Variants in PROX1 observed in about 807,000 individuals in gnomAD.
The protein encoded by PROX1 is prospero homeobox protein 1.
In PROX1, 7 loss-of-function variants were observed where a neutral mutation model predicts 58.8. That is an observed-to-expected ratio of 0.12 (90% confidence interval 0.07 to 0.22). The LOEUF (loss-of-function observed/expected upper bound fraction) is 0.22. Among genes scored for constraint, PROX1 ranks in the 10% least tolerant of loss-of-function variants. PROX1 has a pLI of 1.00. For missense variants in PROX1, 675 were observed against 927.8 expected (o/e 0.73, Z 3.54); for synonymous variants, 350 against 358.3 (o/e 0.98, Z 0.26).
At chr1:213,998,338 G>C in intron 2 of PROX1, 78 bp downstream of exon 2, 1 of 1,426,046 alleles carries the variant, frequency 7.0e-7, no homozygotes, top group Non-Finnish European at 9.4e-7. Flanking sequence ...ACAATATCTA[G>C]AGTAATGTAG....
At chr1:213,994,140 T>A (rs556950137) in intron 1 of PROX1, among the ~76,000 whole-genome samples, 1 of 150,328 alleles carries the variant, frequency 6.7e-6, no homozygotes, top group Non-Finnish European at 1.5e-5. Flanking sequence ...GATGACCTTG[T>A]GCTCATCAGC....
intron 2 of PROX1, among the ~76,000 whole-genome samples, chr1:214,001,005 A>AC (rs3835651): frequency 0.28 from 42,522 of 151,912 alleles, 6,156 homozygotes; most frequent in Admixed American, 0.39. Context: ...AAATGGTACA[A>AC]CTGTGATTGC....
chr1:214,031,167 A>G (rs1282773733), intron 4 of PROX1, among the ~76,000 whole-genome samples: 3 of 152,172 alleles, frequency 2.0e-5, no homozygotes, highest in Non-Finnish European at 2.9e-5. Context: ...ATGGAAGCCC[A>G]GAAGGCTCTT....
rs925893214 is a variant in PROX1 at position 213,997,197 on chromosome 1, T to C, written c.662T>C (p.Phe221Ser). 6.2e-7 allele frequency: 1 copy of C among 1,612,794 alleles called. No individual in the cohort carries two copies. Among genetic ancestry groups the C allele is most frequent in the Non-Finnish European group, 8.5e-7 (1 of 1,179,726 alleles). ...CTTCCCCAGCAGCAGCAACAGAGTT[T>C]CCAGCAGCTGGTTTCAGCCCGAAAA... ...QKLPQQQQQS[F>S]QQLVSARKEQ... Residue 221 changes from phenylalanine to serine, a missense_variant, in exon 2 of 5, where the codon TTC becomes TCC. By Grantham distance (155) the Phe-to-Ser change is radical (BLOSUM62 -2). Transcript: ENST00000366958. The surrounding 1 kb of genome is among the most constrained non-coding windows in gnomAD (Gnocchi z 7.1).
At chr1:214,033,012 C>A (rs73086475) in intron 4 of PROX1, among the ~76,000 whole-genome samples, 3,805 of 152,254 alleles carry the variant, frequency 0.025, 169 homozygotes, top group African/African-American at 0.088. Flanking sequence ...ACTTCCCTCC[C>A]TCCCCTGCTG....
chr1:213,985,262 GAA>G (rs1292901465), upstream of PROX1: 3 of 152,194 alleles, frequency 2.0e-5, no homozygotes, highest in African/African-American at 7.2e-5. Flanking sequence ...TCCCCTATCA[GAA>G]AACAAAGCGG....
rs1236007528 is a variant in PROX1, at chr1:214,038,477, A to G, written c.*2643A>G. 1 of 151,802 alleles carries G rather than the reference A, an allele frequency of 6.6e-6. No homozygotes were observed. Among genetic ancestry groups the G allele is most frequent in the Non-Finnish European group, 1.5e-5 (1 of 67,936 alleles). 9.4% of individuals were successfully genotyped at this position (151,802 alleles called of 1,614,324 possible). On this transcript the variant is annotated 3_prime_UTR_variant, in exon 5 of 5. Coordinates refer to ENST00000366958, the MANE Select transcript of PROX1 (RefSeq NM_001270616.2). ...CTACTTGGGAGAAAGTTAACTTTCT[A>G]TGGTGGGATGGTGAAGGATGAGGGA...
At chr1:213,986,161 C>T (rs1419118910), upstream of PROX1, 4 of 152,044 alleles carry the variant, frequency 2.6e-5, no homozygotes, top group African/African-American at 9.7e-5. Flanking sequence ...TGTCACATCC[C>T]GGTTAGAACA....
chr1:213,987,823 A>T (rs1328438537), upstream of PROX1: 2 of 148,866 alleles, frequency 1.3e-5, no homozygotes, highest in African/African-American at 4.9e-5. Flanking sequence ...TTTCCTCCCA[A>T]GTTCTCTTGC....
chr1:214,009,084 G>A (rs1333218319), intron 3 of PROX1, among the ~76,000 whole-genome samples: 1 of 152,194 alleles, frequency 6.6e-6, no homozygotes, highest in Non-Finnish European at 1.5e-5. Context: ...AGCTTTTCAA[G>A]CCGGCAGTGT....
intron 4 of PROX1, among the ~76,000 whole-genome samples, chr1:214,033,972 C>T (rs535852648): frequency 1.8e-4 from 27 of 152,178 alleles, no homozygotes; most frequent in South Asian, 2.1e-4. Context: ...GCGGACAAGG[C>T]GGCACTTTGA....
At chr1:214,003,126 A>G (rs1042733742) in intron 2 of PROX1, among the ~76,000 whole-genome samples, 6 of 152,354 alleles carry the variant, frequency 3.9e-5, no homozygotes, top group African/African-American at 1.4e-4. Flanking sequence ...AAGAACAAAA[A>G]CATCTTAGCA....
intron 4 of PROX1, among the ~76,000 whole-genome samples, chr1:214,031,068 C>T (rs1293298299): frequency 5.0e-4 from 69 of 137,240 alleles, no homozygotes; most frequent in African/African-American, 1.8e-3. Context: ...TGTGTGTGTG[C>T]GCGCGCGCGC....
rs1174470737 is a variant in PROX1 at position 213,997,208 on chromosome 1, G to T, written c.673G>T (p.Val225Phe). The part of the protein sequence containing the change: ...QQQQQSFQQL[V>F]SARKEQKREE... ...GCAGCAACAGAGTTTCCAGCAGCTG[G>T]TTTCAGCCCGAAAAGAACAGAAGCG... is the stretch of plus-strand genomic sequence containing the variant. The change falls in exon 2 of 5, where the codon GTT becomes TTT. Residue 225 changes from valine to phenylalanine, a missense_variant. Physicochemically the swap from Val to Phe is conservative, Grantham distance 50. Around this residue, in one of 8 missense-constraint regions of PROX1, gnomAD observed 403 missense variants for 477.4 expected, o/e 0.84. Transcript: ENST00000366958. This position sits in a 1 kb window ranked among gnomAD's most constrained non-coding sequence, Gnocchi z 7.1. 1.9e-6 allele frequency: 3 copies of T among 1,612,758 alleles called. No homozygotes were observed. In the South Asian group the frequency reaches 3.3e-5, roughly 18 times the overall value.
At chr1:214,007,859 G>A (rs1352524484) in intron 3 of PROX1, among the ~76,000 whole-genome samples, 1 of 152,066 alleles carries the variant, frequency 6.6e-6, no homozygotes, top group African/African-American at 2.4e-5. Flanking sequence ...GAGAAATTGG[G>A]GAAGAGAACT....
chr1:214,010,418 A>T (rs1359179378), intron 3 of PROX1, among the ~76,000 whole-genome samples: 2 of 152,188 alleles, frequency 1.3e-5, no homozygotes, highest in East Asian at 3.8e-4. Flanking sequence ...TTTAGCTGTC[A>T]TCTTGTTGGA....
At chr1:214,027,636 G>C (rs1245954975) in intron 4 of PROX1, among the ~76,000 whole-genome samples, 1 of 152,128 alleles carries the variant, frequency 6.6e-6, no homozygotes, top group Admixed American at 6.5e-5. Context: ...CAGACTGTTT[G>C]AAGGCCACAT....
At chr1:214,017,579 A>G (rs1571829755) in intron 4 of PROX1, among the ~76,000 whole-genome samples, 1 of 152,074 alleles carries the variant, frequency 6.6e-6, no homozygotes, top group East Asian at 1.9e-4. Flanking sequence ...AAAAAAAAAA[A>G]AATCGTCCTT....
chr1:214,027,040 G>A (rs993089937), intron 4 of PROX1, among the ~76,000 whole-genome samples: 4 of 152,146 alleles, frequency 2.6e-5, no homozygotes, highest in Admixed American at 6.5e-5. Flanking sequence ...GGTCTGACTT[G>A]GAAGTGTACT....
Sources: gnomAD v4.1 joint callset for allele counts (sites outside exome capture counted in the v4.1 genomes callset) on GRCh38, gnomAD v4.1.1 for gene constraint, gnomAD v4.1.1 regional missense constraint, Gnocchi (gnomAD v3.1) non-coding constraint, MANE v1.5 for transcripts, NCBI Gene and HGNC (gene_info 2026-07-23, HGNC 2026-07-21) for gene names.